Variants in PFKP observed in about 807,000 individuals in gnomAD.
PFKP encodes the protein phosphofructokinase, platelet.
In PFKP, 101 loss-of-function variants were observed where a neutral mutation model predicts 94.3. That is an observed-to-expected ratio of 1.07 (90% confidence interval 0.91 to 1.26). The LOEUF (loss-of-function observed/expected upper bound fraction) is 1.26, where lower values mean the gene tolerates loss of function less well. Ranked by LOEUF, PFKP falls within the 50% of genes most tolerant of loss-of-function variation. The pLI, the probability that PFKP is intolerant of heterozygous loss-of-function variation, is 0.00. For missense variants in PFKP, 1,145 were observed against 1,103.3 expected, an observed-to-expected ratio of 1.04 and a Z score of -0.53; for synonymous variants, 573 against 432.6, an observed-to-expected ratio of 1.32 and a Z score of -4.03.
At chr10:3,098,165 CCTTT>C (rs1442736082) in intron 2 of PFKP, among the ~76,000 whole-genome samples, 14 of 152,048 alleles carry the variant, frequency 9.2e-5, no homozygotes, top group African/African-American at 3.4e-4. Context: ...ATTTTAAAAA[CCTTT>C]CTTTTTTCTG....
At chr10:3,089,352 C>A (rs1484077399) in intron 2 of PFKP, among the ~76,000 whole-genome samples, 1 of 152,112 alleles carries the variant, frequency 6.6e-6, no homozygotes, top group Non-Finnish European at 1.5e-5. Context: ...TTTTCTTTGT[C>A]CATTTATCCG....
chr10:3,102,476 C>T (rs556213537), intron 4 of PFKP, among the ~76,000 whole-genome samples: 6 of 151,902 alleles, frequency 3.9e-5, no homozygotes, highest in South Asian at 4.2e-4. Context: ...TGCAGTGGCA[C>T]GATCTCGGCT....
At chr10:3,074,789 T>G (rs924952997) in intron 1 of PFKP, among the ~76,000 whole-genome samples, 13 of 152,170 alleles carry the variant, frequency 8.5e-5, no homozygotes, top group African/African-American at 3.1e-4. Flanking sequence ...AATAGGAGAT[T>G]AATTAATTCC....
rs1018491177 is a variant in PFKP, at chr10:3,134,379, T to C, written c.2023-104T>C. The C allele has an allele frequency of 5.4e-5, 40 of 743,274 alleles. No individual in the cohort carries two copies. The African/African-American group carries it at 5.7e-4, about 11-fold the overall frequency. 46.0% of individuals were successfully genotyped at this position (743,274 alleles called of 1,614,324 possible). A position where few individuals can be genotyped will look rare whatever the true frequency, so the allele number is the denominator to read the frequency against. On this transcript the variant is annotated intron_variant, in intron 19 of 21. Transcript: ENST00000381125. ...TTGTTCTGTTCCAACTATAAGGACCTAGAAATAAAAACATGAATTCTGCAA... is the reference window on the plus strand; with the variant it reads ...TTGTTCTGTTCCAACTATAAGGACCCAGAAATAAAAACATGAATTCTGCAA...
intron 2 of PFKP, among the ~76,000 whole-genome samples, chr10:3,092,699 A>T (rs1019778373): frequency 6.6e-6 from 1 of 152,136 alleles, no homozygotes; most frequent in African/African-American, 2.4e-5. Flanking sequence ...GGGGAAAAAA[A>T]CCTTTCCCTT....
chr10:3,133,234 G>T lies in PFKP; in HGVS notation c.1942G>T (p.Asp648Tyr), dbSNP rs777816568. 9 of 1,613,896 alleles carry T rather than the reference G, an allele frequency of 5.6e-6. No individual in the cohort carries two copies. The Admixed American group carries it at 1.5e-4, about 27-fold the overall frequency. ...GAGCTGCAGTGAAAACTACACCACC[G>T]ACTTCATTTACCAGCTGTATTCAGA... ...NESCSENYTT[D>Y]FIYQLYSEEG... The change falls in exon 19 of 22, where the codon GAC becomes TAC. Residue 648 changes from aspartate (D) to tyrosine (Y), a missense_variant. Asp to Tyr is a radical substitution (Grantham distance 160). Transcript: ENST00000381125.
intron 8 of PFKP, 140 bp downstream of exon 8, chr10:3,107,449 G>A (rs1198513967): frequency 1.6e-6 from 1 of 620,992 alleles, no homozygotes; most frequent in Non-Finnish European, 2.8e-6. Flanking sequence ...TAATGACTCA[G>A]AAGTTGGACG....
Position 3,103,909 on chromosome 10 carries a change from C to A in PFKP, c.585C>A (p.Ile195=), listed in dbSNP as rs371270142. Residue 195 remains isoleucine, a synonymous_variant, in exon 5 of 22, where the codon ATC becomes ATA. Transcript: ENST00000381125. ...IGTDSALHRI[I]EVVDAIMTTA... ...CGGACTCCGCCCTGCACAGGATCAT[C>A]GAGGTCGTCGACGCCATCATGACCA... 1.2e-6 allele frequency: 2 copies of A among 1,613,702 alleles called. No homozygotes were observed. The highest frequency in any genetic ancestry group is 1.7e-6 in the Non-Finnish European group (2 of 1,180,042).
At chr10:3,100,611 C>T (rs186718558) in intron 3 of PFKP, among the ~76,000 whole-genome samples, 138 of 152,232 alleles carry the variant, frequency 9.1e-4, no homozygotes, top group African/African-American at 3.2e-3. Flanking sequence ...GCAGAGACAA[C>T]CCCTGCTGTG....
intron 14 of PFKP, 63 bp downstream of exon 14, chr10:3,116,909 G>A (rs1010601119): frequency 4.6e-6 from 6 of 1,304,828 alleles, no homozygotes; most frequent in Non-Finnish European, 5.6e-6. Flanking sequence ...CGTGTTCTGG[G>A]AGAGAATCGC....
intron 1 of PFKP, among the ~76,000 whole-genome samples, chr10:3,073,826 T>TGTG (rs373944865): frequency 6.7e-6 from 1 of 148,434 alleles, no homozygotes; most frequent in African/African-American, 2.6e-5. Context: ...TGTGTGTGTG[T>TGTG]TTTTTTTGTT....
At chr10:3,135,223 C>T (rs923549900) in intron 20 of PFKP, among the ~76,000 whole-genome samples, 3 of 151,970 alleles carry the variant, frequency 2.0e-5, no homozygotes, top group East Asian at 1.9e-4. Context: ...TCAGTCATAG[C>T]AGATGTGTGC....
intron 2 of PFKP, among the ~76,000 whole-genome samples, chr10:3,095,255 A>G (rs940036273): frequency 6.6e-6 from 1 of 152,198 alleles, no homozygotes; most frequent in Non-Finnish European, 1.5e-5. Flanking sequence ...AACTACGCGC[A>G]TAGGTGAACT....
At chr10:3,104,239 C>T (rs187855008) in intron 5 of PFKP, among the ~76,000 whole-genome samples, 118 of 152,308 alleles carry the variant, frequency 7.7e-4, no homozygotes, top group East Asian at 5.8e-4. Flanking sequence ...GAAGGAGTGG[C>T]AAGCAGGAAA....
chr10:3,103,679 G>T, intron 4 of PFKP, 100 bp from the exon 5 acceptor site: 6 of 1,153,660 alleles, frequency 5.2e-6, no homozygotes, highest in Non-Finnish European at 7.6e-6. Context: ...TAGAATGGTT[G>T]ATTTCTCTAC....
At position 3,136,775 on chromosome 10, in the gene PFKP, T is replaced by C. The variant is rs534214976; in HGVS notation, c.*196T>C. 223 of 271,666 alleles carry C rather than the reference T, an allele frequency of 8.2e-4. 1 individual carries two copies. Among genetic ancestry groups the C allele is most frequent in the Admixed American group, 4.6e-3 (64 of 13,850 alleles). The allele number at this position is 271,666 out of a possible 1,614,324, so 16.8% of individuals were successfully genotyped here. A position where few individuals can be genotyped will look rare whatever the true frequency, so the allele number is the denominator to read the frequency against. ...CTTTCAGATGTGCATATGAGCAGAATTAATTAAACATTTGCCTATGACTCC... is the reference window on the plus strand; with the variant it reads ...CTTTCAGATGTGCATATGAGCAGAACTAATTAAACATTTGCCTATGACTCC... On this transcript the variant is annotated 3_prime_UTR_variant, in exon 22 of 22. Transcript: ENST00000381125.
intron 1 of PFKP, among the ~76,000 whole-genome samples, chr10:3,068,306 C>A (rs1245876004): frequency 6.6e-6 from 1 of 152,150 alleles, no homozygotes; most frequent in Non-Finnish European, 1.5e-5. Flanking sequence ...ATGCGGGACG[C>A]GGCGGGGGTG....
intron 2 of PFKP, among the ~76,000 whole-genome samples, chr10:3,084,308 T>C (rs1199271325): frequency 6.6e-6 from 1 of 152,200 alleles, no homozygotes. Flanking sequence ...GGCGGCCTTC[T>C]GAGCACTGGC....
At chr10:3,122,547 G>A (rs555951979) in intron 16 of PFKP, among the ~76,000 whole-genome samples, 1 of 152,350 alleles carries the variant, frequency 6.6e-6, no homozygotes, top group South Asian at 2.1e-4. Flanking sequence ...TGAGCTGGTG[G>A]CGTCCTCAGG....
Sources: gnomAD v4.1 joint callset for allele counts (sites outside exome capture counted in the v4.1 genomes callset) on GRCh38, gnomAD v4.1.1 for gene constraint, MANE v1.5 for transcripts, NCBI Gene and HGNC (gene_info 2026-07-23, HGNC 2026-07-21) for gene names.